The following NCAM1 variants were observed in gnomAD, a reference collection of about 807,000 sequenced individuals.
NCAM1 encodes neural cell adhesion molecule 1.
NCAM1 carries 14 observed loss-of-function variants against 109.8 expected under a neutral mutation model. That is an observed-to-expected ratio of 0.13 (90% CI 0.08 to 0.20). The LOEUF (loss-of-function observed/expected upper bound fraction) is 0.20. Among genes scored for constraint, NCAM1 ranks in the 10% least tolerant of loss-of-function variants. The pLI is 1.00. For missense variants in NCAM1, 774 were observed against 1,109.9 expected, an observed-to-expected ratio of 0.70 and a Z score of 4.30; for synonymous variants, 418 against 442.9, an observed-to-expected ratio of 0.94 and a Z score of 0.70.
intron 18 of NCAM1, among the ~76,000 whole-genome samples, chr11:113,271,190 C>T (rs376293151): frequency 1.7e-4 from 26 of 151,372 alleles, no homozygotes; most frequent in South Asian, 1.5e-3. Flanking sequence ...GCTAACATGG[C>T]GAAGCCCCGC....
chr11:113,262,315 T>C (rs2137674789), intron 17 of NCAM1, among the ~76,000 whole-genome samples: 1 of 152,344 alleles, frequency 6.6e-6, no homozygotes, highest in African/African-American at 2.4e-5. Context: ...TGACTCATAG[T>C]GCAGCGATCC....
intron 1 of NCAM1, among the ~76,000 whole-genome samples, chr11:113,019,684 G>C (rs1430664006): frequency 6.6e-6 from 1 of 152,164 alleles, no homozygotes. Context: ...CATCACCTGA[G>C]TTCTAGGTCC....
Position 113,165,817 on chromosome 11 carries a change from ATT to A in NCAM1, c.53-36550_53-36549del, listed in dbSNP as rs5794848. Among the ~76,000 whole-genome samples, 3 of 145,236 alleles carry A rather than the reference ATT, an allele frequency of 2.1e-5. No individual in the cohort carries two copies. The South Asian group carries it at 6.6e-4, about 32-fold the overall frequency. ...TGCTCCTAAATAGCAAAACCGACTG[ATT>A]TTTTTTTTTTTGAAATGGAGTCTCG... is the stretch of plus-strand genomic sequence containing the variant. On this transcript the variant is annotated intron_variant, in intron 1 of 19. Transcript: ENST00000316851.
At chr11:113,208,975 C>T (rs1271739803) in intron 7 of NCAM1, among the ~76,000 whole-genome samples, 1 of 152,228 alleles carries the variant, frequency 6.6e-6, no homozygotes, top group Admixed American at 6.5e-5. Context: ...CTCACTTCAT[C>T]TTCATAAACT....
At chr11:113,253,002 C>A (rs1945731903) in intron 15 of NCAM1, among the ~76,000 whole-genome samples, 1 of 151,784 alleles carries the variant, frequency 6.6e-6, no homozygotes, top group Non-Finnish European at 1.5e-5. Context: ...AAATAATACA[C>A]ACATATCAGA....
At chr11:113,139,987 C>T (rs2136190622) in intron 1 of NCAM1, among the ~76,000 whole-genome samples, 1 of 152,218 alleles carries the variant, frequency 6.6e-6, no homozygotes, top group Non-Finnish European at 1.5e-5. Flanking sequence ...GAGATCAAAC[C>T]CTTGCAGCCT....
intron 1 of NCAM1, among the ~76,000 whole-genome samples, chr11:113,032,893 A>G (rs1362063878): frequency 1.3e-5 from 2 of 152,254 alleles, no homozygotes; most frequent in Non-Finnish European, 2.9e-5. Flanking sequence ...TCTAAATGAA[A>G]TGACTTGATT....
At chr11:112,987,813 A>G (rs1951346880) in intron 1 of NCAM1, among the ~76,000 whole-genome samples, 1 of 150,956 alleles carries the variant, frequency 6.6e-6, no homozygotes, top group Admixed American at 6.6e-5. Context: ...TATAGGTAGC[A>G]TATAGTCAAG....
chr11:113,148,272 T>C (rs1555101717), intron 1 of NCAM1, among the ~76,000 whole-genome samples: 1 of 151,948 alleles, frequency 6.6e-6, no homozygotes, highest in African/African-American at 2.4e-5. Flanking sequence ...CATGTCGCCA[T>C]GATAACAGGC....
intron 1 of NCAM1, among the ~76,000 whole-genome samples, chr11:113,053,613 A>C (rs782086847): frequency 1.3e-5 from 2 of 152,186 alleles, no homozygotes; most frequent in African/African-American, 4.8e-5. Context: ...GACTGGTATG[A>C]GGATGGTAAA....
At chr11:113,137,788 G>A (rs782379534) in intron 1 of NCAM1, among the ~76,000 whole-genome samples, 10 of 152,150 alleles carry the variant, frequency 6.6e-5, no homozygotes, top group Non-Finnish European at 1.5e-5. Flanking sequence ...TGCAGTAAAC[G>A]AGACACTTGG....
chr11:113,080,457 T>G (rs1420817298), intron 1 of NCAM1, among the ~76,000 whole-genome samples: 8 of 141,830 alleles, frequency 5.6e-5, no homozygotes, highest in African/African-American at 8.1e-5. Context: ...AATAGAGGGG[T>G]TTTTTTTCTT....
chr11:113,243,286 A>C (rs1945393727), intron 14 of NCAM1, among the ~76,000 whole-genome samples: 2 of 152,264 alleles, frequency 1.3e-5, no homozygotes, highest in East Asian at 3.9e-4. Flanking sequence ...TGCTTGAGGA[A>C]AGGGAGAGGG....
intron 17 of NCAM1, 100 bp from the exon 18 acceptor site, chr11:113,270,088 G>A (rs1946232207): frequency 8.8e-7 from 1 of 1,135,978 alleles, no homozygotes; most frequent in Non-Finnish European, 1.3e-6. Flanking sequence ...CCATGACTCT[G>A]TCCTCTGGGC....
At chr11:113,004,021 AGG>A (rs58456334) in intron 1 of NCAM1, among the ~76,000 whole-genome samples, 20,534 of 152,138 alleles carry the variant, frequency 0.13, 1,403 homozygotes, top group African/African-American at 0.15. Flanking sequence ...CGTCAGGGAG[AGG>A]AGAAGATGAC....
At position 113,198,584 on chromosome 11, in the gene NCAM1, G is replaced by A. The variant is rs527924903; in HGVS notation, c.53-3795G>A. Among the ~76,000 whole-genome samples the A allele has an allele frequency of 3.9e-5, 6 of 152,100 alleles. No homozygotes were observed. In the South Asian group the frequency reaches 6.2e-4, roughly 16 times the overall value. On this transcript the variant is annotated intron_variant, in intron 1 of 19. Coordinates refer to ENST00000316851, the MANE Select transcript of NCAM1 (RefSeq NM_181351.5). ...GACGGGTCTCCTGACCTTGTGATCC[G>A]CCTGCTTCAGCCTCCCAAAGTGCTA... is the stretch of plus-strand genomic sequence containing the variant.
intron 14 of NCAM1, among the ~76,000 whole-genome samples, chr11:113,245,088 G>C (rs181080004): frequency 3.3e-5 from 5 of 149,664 alleles, no homozygotes; most frequent in Admixed American, 3.3e-4. Context: ...CTTAAGAAAA[G>C]TGTTTTTTTT....
chr11:113,194,351 C>T lies in NCAM1; in HGVS notation c.53-8028C>T, dbSNP rs1159582775. The stretch of plus-strand genomic sequence containing the variant: ...TAAAGCCATATTCACCTTCTCCATC[C>T]TTTCCCCCTTCACTCTGTTTGGAAG... On this transcript the variant is annotated intron_variant, in intron 1 of 19. Coordinates refer to ENST00000316851, the MANE Select transcript of NCAM1 (RefSeq NM_181351.5). Among the ~76,000 whole-genome samples the T allele has an allele frequency of 5.3e-5, 8 of 152,296 alleles. 1 individual carries two copies. In the Middle Eastern group the frequency reaches 0.01, roughly 194 times the overall value.
chr11:113,096,686 A>G (rs1282313733), intron 1 of NCAM1, among the ~76,000 whole-genome samples: 1 of 152,114 alleles, frequency 6.6e-6, no homozygotes, highest in African/African-American at 2.4e-5. Flanking sequence ...AATTATTTCA[A>G]TGCAGTGGAT....
Sources: allele counts gnomAD v4.1 joint callset (sites outside exome capture counted in the v4.1 genomes callset), GRCh38; gene constraint gnomAD v4.1.1; transcripts MANE v1.5; gene names NCBI Gene and HGNC (gene_info 2026-07-23, HGNC 2026-07-21).